Variants in CDK5RAP2 observed in about 807,000 individuals in gnomAD.
The protein encoded by CDK5RAP2 is CDK5 regulatory subunit associated protein 2, also known as CDK5 regulatory subunit-associated protein 2.
A neutral mutation model predicts 232.9 loss-of-function variants in CDK5RAP2; 147 were observed. The ratio of observed to expected loss-of-function variants is 0.63; its 90% CI spans 0.55 to 0.72. The LOEUF is 0.72. Among genes scored for constraint, CDK5RAP2 ranks in the 30% least tolerant of loss-of-function variants. The probability of loss-of-function intolerance (pLI) is 0.00; values close to 1 mark genes in which losing one functional copy is unlikely to be tolerated. For synonymous variants in CDK5RAP2, 833 were observed against 833.7 expected (o/e 1.00, Z 0.01); for missense variants, 2,195 against 2,231.5 (o/e 0.98, Z 0.33).
Position 120,571,996 on chromosome 9 carries a change from G to A in CDK5RAP2, c.105C>T (p.Pro35=). 1 of 1,613,734 alleles carries A rather than the reference G, an allele frequency of 6.2e-7. No individual in the cohort carries two copies. Residue 35 remains proline, a synonymous_variant, in exon 2 of 38, where the codon CCC becomes CCT. Coordinates refer to ENST00000349780, the MANE Select transcript of CDK5RAP2 (RefSeq NM_018249.6). ...SVPDDLDGIN[P]NAGLGNGLLP... ...TACGACCATTTCCCAACCCAGCATT[G>A]GGGTTGATGCCATCCAGGTCATCTG...
At chr9:120,409,023 C>T in intron 30 of CDK5RAP2, 104 bp downstream of exon 30, 1 of 1,039,430 alleles carries the variant, frequency 9.6e-7, no homozygotes, top group Non-Finnish European at 1.5e-6. Context: ...TACTGCCTGC[C>T]ACTGTGCACT....
At chr9:120,569,434 T>G (rs2042765224) in intron 2 of CDK5RAP2, among the ~76,000 whole-genome samples, 1 of 152,200 alleles carries the variant, frequency 6.6e-6, no homozygotes, top group African/African-American at 2.4e-5. Flanking sequence ...GGGTGAGGAC[T>G]GCCATTTTAG....
chr9:120,514,637 T>C (rs1332149260), intron 12 of CDK5RAP2, among the ~76,000 whole-genome samples: 1 of 152,150 alleles, frequency 6.6e-6, no homozygotes, highest in Non-Finnish European at 1.5e-5. Context: ...AGTGTTCCAG[T>C]GCCCCGTCCT....
chr9:120,399,600 G>A (rs1314469373), intron 35 of CDK5RAP2, among the ~76,000 whole-genome samples: 2 of 152,122 alleles, frequency 1.3e-5, no homozygotes, highest in East Asian at 3.9e-4. Flanking sequence ...GCAGGACATG[G>A]GACACTCCAG....
intron 21 of CDK5RAP2, among the ~76,000 whole-genome samples, chr9:120,452,927 T>A (rs764569813): frequency 2.0e-5 from 3 of 152,072 alleles, no homozygotes; most frequent in Non-Finnish European, 1.5e-5. Context: ...GCCCTCAGAA[T>A]AATACCTCTC....
At chr9:120,451,687 T>C (rs2036487113) in intron 21 of CDK5RAP2, among the ~76,000 whole-genome samples, 1 of 152,100 alleles carries the variant, frequency 6.6e-6, no homozygotes, top group Admixed American at 6.5e-5. Context: ...AATATCCCTG[T>C]CTGCATTTAA....
intron 28 of CDK5RAP2, 22 bp from the exon 29 acceptor site, chr9:120,411,496 C>G (rs748528563): frequency 3.8e-6 from 5 of 1,326,160 alleles, no homozygotes; most frequent in South Asian, 1.2e-5. Flanking sequence ...CACATAAAAA[C>G]TGATTTATAA....
intron 12 of CDK5RAP2, among the ~76,000 whole-genome samples, chr9:120,514,731 G>A (rs758930935): frequency 1.2e-4 from 18 of 152,064 alleles, no homozygotes; most frequent in Non-Finnish European, 2.5e-4. Context: ...TCACAAGAAA[G>A]TCCTACCCAT....
At chr9:120,547,835 G>C (rs2041905560) in intron 4 of CDK5RAP2, among the ~76,000 whole-genome samples, 1 of 152,326 alleles carries the variant, frequency 6.6e-6, no homozygotes, top group East Asian at 1.9e-4. Context: ...TCACGTCACA[G>C]AAACTTACCA....
chr9:120,444,299 G>A (rs2036065809), intron 22 of CDK5RAP2, among the ~76,000 whole-genome samples: 1 of 152,136 alleles, frequency 6.6e-6, no homozygotes, highest in Admixed American at 6.5e-5. Context: ...GCAAGCTATG[G>A]GCAAAGTGCC....
chr9:120,400,778 G>A lies in CDK5RAP2; in HGVS notation c.5415C>T (p.Leu1805=). 1 of 1,614,070 alleles carries A rather than the reference G, an allele frequency of 6.2e-7. No individual in the cohort carries two copies. The change falls in exon 35 of 38, where the codon CTC becomes CTT. Residue 1805 remains leucine, a synonymous_variant. Coordinates refer to ENST00000349780, the MANE Select transcript of CDK5RAP2 (RefSeq NM_018249.6). The stretch of plus-strand genomic sequence containing the variant: ...GAAGGGGGCACTGGCCATCCTCGGG[G>A]AGTGAGACTCTCCAGAGAAGCTTCA... The part of the protein sequence containing the change: ...RRLKLLWRVS[L]PEDGQCPLHC...
chr9:120,406,434 CAA>C (rs2131293439), intron 32 of CDK5RAP2: 1 of 153,708 alleles, frequency 6.5e-6, no homozygotes, highest in South Asian at 2.0e-4. Flanking sequence ...ATCTCTAGAG[CAA>C]AGAGGACAGG....
chr9:120,404,696 T>C (rs1222237118), intron 32 of CDK5RAP2, among the ~76,000 whole-genome samples: 2 of 152,090 alleles, frequency 1.3e-5, no homozygotes, highest in African/African-American at 2.4e-5. Flanking sequence ...GGCAAGGCAA[T>C]GTCAAGCTGA....
At chr9:120,563,046 A>C (rs900626090) in intron 3 of CDK5RAP2, among the ~76,000 whole-genome samples, 1 of 152,230 alleles carries the variant, frequency 6.6e-6, no homozygotes, top group African/African-American at 2.4e-5. Context: ...ACAAACTGTC[A>C]CAAGAGTCAT....
intron 1 of CDK5RAP2, among the ~76,000 whole-genome samples, chr9:120,576,193 A>G (rs1220285262): frequency 6.6e-6 from 1 of 152,216 alleles, no homozygotes; most frequent in Non-Finnish European, 1.5e-5. Context: ...TTTACATGCA[A>G]TGTCATATGA....
At chr9:120,398,540 G>A (rs2032720717) in intron 35 of CDK5RAP2, among the ~76,000 whole-genome samples, 1 of 151,944 alleles carries the variant, frequency 6.6e-6, no homozygotes, top group Admixed American at 6.5e-5. Flanking sequence ...GTTTCATCTT[G>A]CCAAGAATTT....
At chr9:120,453,393 G>T in intron 21 of CDK5RAP2, 63 bp downstream of exon 21, 1 of 1,456,906 alleles carries the variant, frequency 6.9e-7, no homozygotes, top group Middle Eastern at 1.8e-4. Context: ...GAGATTAAAG[G>T]TGATTTTTAA....
Position 120,411,473 on chromosome 9 carries a change from A to G in CDK5RAP2, c.4299T>C (p.Gly1433=). Residue 1433 remains glycine (G), a splice_region_variant and synonymous_variant, in exon 29 of 38, where the codon GGT becomes GGC. Coordinates refer to ENST00000349780, the MANE Select transcript of CDK5RAP2 (RefSeq NM_018249.6). ...LERQGSEFVQ[G]STSIFASGSE... ...AACCAGAAGCAAAAATGCTTGTAGA[A>G]CCTATAAAAACACACATAAAAACTG... is the stretch of plus-strand genomic sequence containing the variant. The G allele has an allele frequency of 3.3e-6, 5 of 1,526,410 alleles. No individual in the cohort carries two copies. Among genetic ancestry groups the G allele is most frequent in the Non-Finnish European group, 4.5e-6 (5 of 1,100,808 alleles). The allele number at this position is 1,526,410 out of a possible 1,614,324, so 94.6% of individuals were successfully genotyped here.
chr9:120,445,061 T>C (rs1051300021), intron 22 of CDK5RAP2, among the ~76,000 whole-genome samples: 4 of 152,200 alleles, frequency 2.6e-5, no homozygotes, highest in African/African-American at 9.7e-5. Flanking sequence ...CTGGTACTCA[T>C]TTCCTTCGTT....
Sources: allele counts gnomAD v4.1 joint callset (sites outside exome capture counted in the v4.1 genomes callset), GRCh38; gene constraint gnomAD v4.1.1; transcripts MANE v1.5; gene names NCBI Gene and HGNC (gene_info 2026-07-23, HGNC 2026-07-21).